EXD1: variants seen among roughly 807,000 people sequenced by gnomAD.
The protein encoded by EXD1 is exonuclease 3'-5' domain containing 1, also known as piRNA biogenesis protein EXD1.
A neutral mutation model predicts 49.1 loss-of-function variants in EXD1; 63 were observed. The ratio of observed to expected loss-of-function variants is 1.28; its 90% CI spans 1.05 to 1.58. EXD1 has a LOEUF of 1.58. Ranked by LOEUF, EXD1 falls within the 40% of genes most tolerant of loss-of-function variation. The probability of loss-of-function intolerance (pLI) is 0.00; values close to 1 mark genes in which losing one functional copy is unlikely to be tolerated. For missense variants in EXD1, 748 were observed against 666.0 expected, an observed-to-expected ratio of 1.12 and a Z score of -1.36; for synonymous variants, 234 against 239.2, an observed-to-expected ratio of 0.98 and a Z score of 0.20.
In EXD1 at chr15:41,184,213, G is replaced by T. The variant is rs1449380580; in HGVS notation, c.1437C>A (p.Asp479Glu). Residue 479 changes from aspartate (D) to glutamate (E), a missense_variant, in exon 12 of 12, where the codon GAC (aspartate) becomes GAA (glutamate). Asp to Glu is a conservative substitution (Grantham distance 45). Transcript: ENST00000458580. Reference protein sequence around the residue: ...LICTKSKGSEDQRITQKEHFM... With the variant: ...LICTKSKGSEEQRITQKEHFM... ...AGTGTTCTTTCTGAGTTATTCTCTG[G>T]TCCTCTGACCCCTTTGACTTTGTGC... 6.2e-7 allele frequency: 1 copy of T among 1,614,110 alleles called. No individual in the cohort carries two copies.
At chr15:41,191,917 C>T in intron 9 of EXD1, 1 of 214,504 alleles carries the variant, frequency 4.7e-6, no homozygotes, top group Non-Finnish European at 9.2e-6. Context: ...GCTGGGACTA[C>T]AGGTGCAGGC....
At chr15:41,203,938 A>AAAAC (rs1242381172) in intron 7 of EXD1, among the ~76,000 whole-genome samples, 2 of 147,528 alleles carry the variant, frequency 1.4e-5, no homozygotes, top group East Asian at 4.0e-4. Context: ...AAAAAAAAAA[A>AAAAC]AAAAAACCCT....
intron 6 of EXD1, among the ~76,000 whole-genome samples, chr15:41,213,011 A>C (rs1162402063): frequency 1.3e-5 from 2 of 151,666 alleles, no homozygotes; most frequent in South Asian, 2.1e-4. Context: ...ACTGCACTCC[A>C]ACCTGGGTGA....
At chr15:41,222,712 A>G (rs7166581) in intron 2 of EXD1, among the ~76,000 whole-genome samples, 24,211 of 146,554 alleles carry the variant, frequency 0.17, 3,698 homozygotes, top group African/African-American at 0.41. Context: ...GCTGAGGCGG[A>G]AGGATCACAA....
Position 41,191,399 on chromosome 15 carries a change from C to T in EXD1, c.864+43G>A, listed in dbSNP as rs1269258005. 4.5e-6 allele frequency: 7 copies of T among 1,563,490 alleles called. No individual in the cohort carries two copies. In the African/African-American group the frequency reaches 8.4e-5, roughly 19 times the overall value. ...GGCTGATAATACTGCTCAGAAAACA[C>T]TTGAAAAAAAATAATGTCATACAGG... On this transcript the variant is annotated intron_variant, in intron 10 of 11. Coordinates refer to ENST00000458580, the MANE Select transcript of EXD1 (RefSeq NM_001286441.2).
At chr15:41,210,886 A>G (rs2046911523) in intron 6 of EXD1, among the ~76,000 whole-genome samples, 2 of 152,164 alleles carry the variant, frequency 1.3e-5, no homozygotes, top group Non-Finnish European at 1.5e-5. Flanking sequence ...ATCTCCCTTT[A>G]GAGAGCATAA....
chr15:41,222,080 A>G (rs980648048), intron 2 of EXD1, among the ~76,000 whole-genome samples: 2 of 151,946 alleles, frequency 1.3e-5, no homozygotes, highest in Non-Finnish European at 2.9e-5. Flanking sequence ...AGACTGGGCG[A>G]CAGAGTGAGA....
intron 9 of EXD1, among the ~76,000 whole-genome samples, chr15:41,193,075 C>T (rs755396716): frequency 3.3e-5 from 5 of 152,050 alleles, no homozygotes; most frequent in South Asian, 2.1e-4. Flanking sequence ...TGAGCCACCG[C>T]GCCCGGCCTC....
At chr15:41,208,710 C>A (rs1202503379) in intron 7 of EXD1, among the ~76,000 whole-genome samples, 2 of 151,986 alleles carry the variant, frequency 1.3e-5, no homozygotes, top group East Asian at 3.9e-4. Context: ...CGAGATGCAC[C>A]ACTGCACCCC....
At chr15:41,196,207 C>T (rs56837771) in intron 7 of EXD1, among the ~76,000 whole-genome samples, 170 bp from the exon 8 acceptor site, 40,345 of 151,928 alleles carry the variant, frequency 0.27, 7,139 homozygotes, top group African/African-American at 0.5. Flanking sequence ...AGTGCAGTGG[C>T]ACAATCACGG....
chr15:41,183,904 A>C lies in EXD1; in HGVS notation c.*27T>G, dbSNP rs779578698. 6.5e-7 allele frequency: 1 copy of C among 1,541,740 alleles called. No homozygotes were observed. The highest frequency in any genetic ancestry group is 2.1e-5 in the Admixed American group (1 of 47,638). On this transcript the variant is annotated 3_prime_UTR_variant, in exon 12 of 12. Transcript: ENST00000458580. ...ATGGCAAAGGAAATAAGCCATCTGT[A>C]TGGCCTTAAGAACAAACTGCCCATC...
At chr15:41,225,177 C>T (rs1595462065) in intron 2 of EXD1, among the ~76,000 whole-genome samples, 2 of 152,302 alleles carry the variant, frequency 1.3e-5, no homozygotes, top group Non-Finnish European at 2.9e-5. Context: ...CAGCTGCCTA[C>T]CTCTTTACTT....
intron 11 of EXD1, among the ~76,000 whole-genome samples, chr15:41,184,859 C>T (rs886787751): frequency 4.6e-5 from 7 of 151,928 alleles, no homozygotes; most frequent in South Asian, 2.1e-4. Flanking sequence ...AGTTTCACTG[C>T]GTTAGCCAAG....
chr15:41,207,696 G>T (rs572189341), intron 7 of EXD1, among the ~76,000 whole-genome samples: 5 of 152,092 alleles, frequency 3.3e-5, no homozygotes, highest in African/African-American at 1.2e-4. Flanking sequence ...CAAGGATCTG[G>T]CTGGGGAAAA....
chr15:41,220,369 C>G (rs1309513174), intron 2 of EXD1, among the ~76,000 whole-genome samples: 1 of 151,882 alleles, frequency 6.6e-6, no homozygotes, highest in African/African-American at 2.4e-5. Flanking sequence ...TTCCCAGGTT[C>G]AAGCAATTCT....
At chr15:41,218,534 G>T (rs894394800) in intron 3 of EXD1, among the ~76,000 whole-genome samples, 3 of 148,736 alleles carry the variant, frequency 2.0e-5, no homozygotes, top group Non-Finnish European at 4.5e-5. Flanking sequence ...CCCTGGAGAA[G>T]AATTTAGGAG....
At chr15:41,193,914 G>A (rs1468346513) in intron 9 of EXD1, among the ~76,000 whole-genome samples, 1 of 151,618 alleles carries the variant, frequency 6.6e-6, no homozygotes, top group Non-Finnish European at 1.5e-5. Context: ...ATGCAAAAGG[G>A]ACTTTGCAGC....
At chr15:41,230,417 G>T (rs2047222599) in intron 1 of EXD1, 62 bp downstream of exon 1, 1 of 1,542,544 alleles carries the variant, frequency 6.5e-7, no homozygotes, top group Non-Finnish European at 9.0e-7. Context: ...TACACCATGA[G>T]AATAAAATGC....
chr15:41,209,356 G>A, intron 7 of EXD1, 145 bp downstream of exon 7: 2 of 690,486 alleles, frequency 2.9e-6, no homozygotes, highest in Non-Finnish European at 5.0e-6. Flanking sequence ...GTTCAATGCT[G>A]CAGTGATCTA....
Sources: allele counts gnomAD v4.1 joint callset (sites outside exome capture counted in the v4.1 genomes callset), GRCh38; gene constraint gnomAD v4.1.1; transcripts MANE v1.5; gene names NCBI Gene and HGNC (gene_info 2026-07-23, HGNC 2026-07-21).